ALDH16A1: variants seen among roughly 807,000 people sequenced by gnomAD.
ALDH16A1 encodes the protein aldehyde dehydrogenase family 16 member A1.
A neutral mutation model predicts 96.1 loss-of-function variants in ALDH16A1; 88 were observed. The observed-to-expected ratio is 0.92, with a 90% CI of 0.77 to 1.09. ALDH16A1 has a LOEUF of 1.09. Ranked by LOEUF, ALDH16A1 falls within the 50% of genes least tolerant of loss-of-function variation. The pLI, the probability that ALDH16A1 is intolerant of heterozygous loss-of-function variation, is 0.00. For synonymous variants in ALDH16A1, 522 were observed against 496.4 expected (o/e 1.05, Z -0.69); for missense variants, 1,250 against 1,112.6 (o/e 1.12, Z -1.76).
At chr19:49,460,714 A>ATTT (rs35639941) in intron 4 of ALDH16A1, 108 bp from the exon 5 acceptor site, 901 of 651,424 alleles carry the variant, frequency 1.4e-3, no homozygotes, top group South Asian at 2.0e-3. Flanking sequence ...ACACCCGGCC[A>ATTT]TTTTTTTTTT....
rs1466444382 is a variant in ALDH16A1, at chr19:49,460,404, GTTTTTGTTTTTGTTTT to G, written c.500-412_500-397del. 1.2e-3 allele frequency among the ~76,000 whole-genome samples: 172 copies of G among 145,086 alleles called. 1 individual carries two copies. The highest frequency in any genetic ancestry group is 4.5e-3 in the African/African-American group (163 of 36,336). ...GACCATGCACCACCACACCTGACTAGTTTTTGTTTTTGTTTTTTTTTTTTTTGAGATGGAGTTTCGC... is the reference window on the plus strand; with the variant it reads ...GACCATGCACCACCACACCTGACTAGTTTTTTTTTTGAGATGGAGTTTCGC... On this transcript the variant is annotated intron_variant, in intron 4 of 16. Transcript: ENST00000293350.
chr19:49,470,398 G>C lies in ALDH16A1; in HGVS notation c.2340G>C (p.Glu780Asp). 1 of 1,612,210 alleles carries C rather than the reference G, an allele frequency of 6.2e-7. No individual in the cohort carries two copies. Among genetic ancestry groups the C allele is most frequent in the Non-Finnish European group, 8.5e-7 (1 of 1,179,470 alleles). ...CGCGGGCCTGGGACCAGGAGGCCGA[G>C]GGGGCAGGCCCAGAGCTGGGGCTGC... is the stretch of plus-strand genomic sequence containing the variant. ...GCPRAWDQEA[E>D]GAGPELGLRV... Residue 780 changes from glutamate (E) to aspartate (D), a missense_variant, in exon 17 of 17, where the codon GAG becomes GAC. Physicochemically the swap from Glu to Asp is conservative, Grantham distance 45. Transcript: ENST00000293350.
chr19:49,464,032 C>A, intron 9 of ALDH16A1, 83 bp downstream of exon 9: 1 of 1,575,842 alleles, frequency 6.3e-7, no homozygotes, highest in South Asian at 1.2e-5. Flanking sequence ...CTTGGGGTAA[C>A]CATGTGACCT....
intron 1 of ALDH16A1, among the ~76,000 whole-genome samples, chr19:49,453,726 C>A (rs1387376522): frequency 6.6e-6 from 1 of 152,288 alleles, no homozygotes; most frequent in East Asian, 1.9e-4. Context: ...TCAGGGTCCC[C>A]TCAGAACCTG....
chr19:49,453,720 G>A (rs2079087519), intron 1 of ALDH16A1, among the ~76,000 whole-genome samples: 1 of 152,088 alleles, frequency 6.6e-6, no homozygotes, highest in African/African-American at 2.4e-5. Flanking sequence ...GATTCCTCAG[G>A]GTCCCCTCAG....
chr19:49,459,880 C>T lies in ALDH16A1; in HGVS notation c.499+32C>T, dbSNP rs956085010. ...CCCTGGAGTCCCTAGCCCTATCCTC[C>T]CACATGACTCAGCAGTGCTAGCTCC... On this transcript the variant is annotated intron_variant, in intron 4 of 16. Coordinates refer to ENST00000293350, the MANE Select transcript of ALDH16A1 (RefSeq NM_153329.4). The surrounding 1 kb of genome is among the most constrained non-coding windows in gnomAD (Gnocchi z 4.1). 1.3e-6 allele frequency: 2 copies of T among 1,594,308 alleles called. No homozygotes were observed. Among genetic ancestry groups the T allele is most frequent in the African/African-American group, 1.4e-5 (1 of 73,662 alleles).
Position 49,468,924 on chromosome 19 carries a change from C to G in ALDH16A1, c.2185C>G (p.Leu729Val). The change falls in exon 16 of 17, where the codon CTG becomes GTG. Residue 729 changes from leucine (L) to valine (V), a missense_variant. Leu to Val is a conservative substitution (Grantham distance 32). Coordinates refer to ENST00000293350, the MANE Select transcript of ALDH16A1 (RefSeq NM_153329.4). This position sits in a 1 kb window ranked among gnomAD's most constrained non-coding sequence, Gnocchi z 4.4. ...ANVVTGDRDH[L>V]TRCLALHQDV... ...CGTGGTGACAGGAGACCGGGACCAT[C>G]TGACCCGCTGCCTGGCCTTGCACCA... 1 of 1,614,102 alleles carries G rather than the reference C, an allele frequency of 6.2e-7. No individual in the cohort carries two copies. Among genetic ancestry groups the G allele is most frequent in the Non-Finnish European group, 8.5e-7 (1 of 1,180,006 alleles).
In ALDH16A1 at chr19:49,459,081, G is replaced by C; in HGVS notation, c.315G>C (p.Leu105=). 6.2e-7 allele frequency: 1 copy of C among 1,612,568 alleles called. No homozygotes were observed. The highest frequency in any genetic ancestry group is 8.5e-7 in the Non-Finnish European group (1 of 1,179,736). The change falls in exon 3 of 17, where the codon CTG becomes CTC. Residue 105 remains leucine, a synonymous_variant. Coordinates refer to ENST00000293350, the MANE Select transcript of ALDH16A1 (RefSeq NM_153329.4). This position sits in a 1 kb window ranked among gnomAD's most constrained non-coding sequence, Gnocchi z 4.1. ...AHPGVVRAQH[L]TRLAEVIQKH... ...CCGGCGTCGTCCGGGCCCAGCACCT[G>C]ACCAGGTGATGCAGCTGAGGTGTGG... is the stretch of plus-strand genomic sequence containing the variant.
Position 49,460,836 on chromosome 19 carries a change from A to C in ALDH16A1, c.514A>C (p.Ile172Leu), listed in dbSNP as rs894363241. The C allele has an allele frequency of 6.2e-7, 1 of 1,613,204 alleles. No individual in the cohort carries two copies. The highest frequency in any genetic ancestry group is 8.5e-7 in the Non-Finnish European group (1 of 1,179,880). The change falls in exon 5 of 17, where the codon ATC (isoleucine) becomes CTC (leucine). Residue 172 changes from isoleucine to leucine, a missense_variant. Physicochemically the swap from Ile to Leu is conservative, Grantham distance 5 (BLOSUM62 2). Transcript: ENST00000293350. ...TTTTCTTGCAGGAGTAATTGGCCTC[A>C]TCCTGCCACCCACATTCTCCTTCCT... is the stretch of plus-strand genomic sequence containing the variant. ...GWEPMGVIGL[I>L]LPPTFSFLEM...
At chr19:49,455,170 C>T (rs964309991) in intron 1 of ALDH16A1, among the ~76,000 whole-genome samples, 1 of 151,408 alleles carries the variant, frequency 6.6e-6, no homozygotes, top group African/African-American at 2.4e-5. Flanking sequence ...GTAATCCCAG[C>T]GCTTTGGGAG....
chr19:49,464,718 C>G lies in ALDH16A1; in HGVS notation c.1524C>G (p.Leu508=), dbSNP rs749754755. Residue 508 remains leucine, a synonymous_variant, in exon 12 of 17, where the codon CTC becomes CTG. Coordinates refer to ENST00000293350, the MANE Select transcript of ALDH16A1 (RefSeq NM_153329.4). ...ACCTGAACTATGACACCTTTGGCCT[C>G]GCTGTTCCCTCAACCCTGCCGGCTG... ...SKNLNYDTFG[L]AVPSTLPAGP... is the part of the protein sequence containing the mutation. 6.2e-7 allele frequency: 1 copy of G among 1,613,600 alleles called. No individual in the cohort carries two copies. The highest frequency in any genetic ancestry group is 1.7e-5 in the Admixed American group (1 of 60,022).
At position 49,459,665 on chromosome 19, in the gene ALDH16A1, G is replaced by C. The variant is rs766392085; in HGVS notation, c.321-5G>C. The C allele has an allele frequency of 6.2e-7, 1 of 1,602,290 alleles. No homozygotes were observed. The highest frequency in any genetic ancestry group is 1.1e-5 in the South Asian group (1 of 90,072). On this transcript the variant is annotated splice_polypyrimidine_tract_variant and splice_region_variant and intron_variant, in intron 3 of 16. Coordinates refer to ENST00000293350, the MANE Select transcript of ALDH16A1 (RefSeq NM_153329.4). The surrounding 1 kb of genome is among the most constrained non-coding windows in gnomAD (Gnocchi z 4.1). ...AAAATGAGCACCCTCTTGCTTTCTC[G>C]ACAGGCTGGCCGAGGTGATCCAGAA... is the stretch of plus-strand genomic sequence containing the variant.
Position 49,470,618 on chromosome 19 carries a change from A to T in ALDH16A1, c.*151A>T. ...GTGCTTCTGCGAGAAGAAAGGGTGT[A>T]GCAACTTCTGGCAGATATGAGGCTT... On this transcript the variant is annotated 3_prime_UTR_variant, in exon 17 of 17. Coordinates refer to ENST00000293350, the MANE Select transcript of ALDH16A1 (RefSeq NM_153329.4). 1.4e-6 allele frequency: 1 copy of T among 734,272 alleles called. No individual in the cohort carries two copies. Among genetic ancestry groups the T allele is most frequent in the Non-Finnish European group, 1.9e-6 (1 of 516,226 alleles). 45.5% of individuals were successfully genotyped at this position (734,272 alleles called of 1,614,324 possible).
chr19:49,464,907 T>G (rs1232461281), intron 12 of ALDH16A1, 145 bp downstream of exon 12: 7 of 1,297,626 alleles, frequency 5.4e-6, no homozygotes, highest in Non-Finnish European at 7.4e-6. Flanking sequence ...GCCTCACACT[T>G]TCCCTACCCC....
Position 49,470,565 on chromosome 19 carries a change from C to T in ALDH16A1, c.*98C>T. 2 of 1,344,684 alleles carry T rather than the reference C, an allele frequency of 1.5e-6. No individual in the cohort carries two copies. The highest frequency in any genetic ancestry group is 1.9e-6 in the Non-Finnish European group (2 of 1,027,248). 83.3% of individuals were successfully genotyped at this position (1,344,684 alleles called of 1,614,324 possible). A position where few individuals can be genotyped will look rare whatever the true frequency, so the allele number is the denominator to read the frequency against. On this transcript the variant is annotated 3_prime_UTR_variant, in exon 17 of 17. Transcript: ENST00000293350. Reference sequence around the variant, plus strand: ...TTTCCCCTTCTGGTTCCTGTGTCTCCCAATAAACTCTCTGACCAACCCTAG... The same window carrying T: ...TTTCCCCTTCTGGTTCCTGTGTCTCTCAATAAACTCTCTGACCAACCCTAG...
At position 49,462,690 on chromosome 19, in the gene ALDH16A1, C is replaced by G; in HGVS notation, c.1033C>G (p.Arg345Gly). 1 of 1,607,788 alleles carries G rather than the reference C, an allele frequency of 6.2e-7. No individual in the cohort carries two copies. Among genetic ancestry groups the G allele is most frequent in the Non-Finnish European group, 8.5e-7 (1 of 1,178,376 alleles). Residue 345 changes from arginine to glycine, a missense_variant, in exon 8 of 17, where the codon CGG (arginine) becomes GGG (glycine). Coordinates refer to ENST00000293350, the MANE Select transcript of ALDH16A1 (RefSeq NM_153329.4). ...GLDGAVDMGA[R>G]GAAACDLVQR... ...GGATGGGGCCGTGGACATGGGGGCC[C>G]GGGGGGCTGCCGCATGTGACCTGGT...
rs1245163286 is a variant in ALDH16A1, at chr19:49,461,820, C to T, written c.759+20C>T. ...CCGGAGGTACCTTCGGGACAGGGGT[C>T]GTGGCGGAACGCGGCTGGGGGCCGC... On this transcript the variant is annotated intron_variant, in intron 6 of 16. Coordinates refer to ENST00000293350, the MANE Select transcript of ALDH16A1 (RefSeq NM_153329.4). 4.4e-6 allele frequency: 7 copies of T among 1,606,216 alleles called. No individual in the cohort carries two copies. The highest frequency in any genetic ancestry group is 1.7e-5 in the Admixed American group (1 of 58,818).
In ALDH16A1 at chr19:49,466,216, T is replaced by C. The variant is rs1331533946; in HGVS notation, c.1871T>C (p.Val624Ala). The part of the protein sequence containing the change: ...GAELKAAEAE[V>A]ELSARRLRAW... ...GAGCTCAAGGCTGCGGAGGCGGAGG[T>C]GGAGCTGAGCGCAAGACGACTTCGG... The change falls in exon 14 of 17, where the codon GTG (valine) becomes GCG (alanine). Residue 624 changes from valine (V) to alanine (A), a missense_variant. Physicochemically the swap from Val to Ala is moderately conservative, Grantham distance 64. Transcript: ENST00000293350. 6.6e-7 allele frequency: 1 copy of C among 1,522,680 alleles called. No individual in the cohort carries two copies. Among genetic ancestry groups the C allele is most frequent in the Non-Finnish European group, 8.8e-7 (1 of 1,136,338 alleles). The allele number at this position is 1,522,680 out of a possible 1,614,324, so 94.3% of individuals were successfully genotyped here. A position where few individuals can be genotyped will look rare whatever the true frequency, so the allele number is the denominator to read the frequency against.
chr19:49,463,733 A>C (rs1601033195), intron 8 of ALDH16A1, 121 bp from the exon 9 acceptor site: 1 of 663,700 alleles, frequency 1.5e-6, no homozygotes, highest in African/African-American at 3.2e-5. Context: ...CCTGGGTCTG[A>C]GGGAGGAGGG....
Sources: allele counts gnomAD v4.1 joint callset (sites outside exome capture counted in the v4.1 genomes callset), GRCh38; gene constraint gnomAD v4.1.1; non-coding constraint Gnocchi (gnomAD v3.1); transcripts MANE v1.5; gene names NCBI Gene and HGNC (gene_info 2026-07-23, HGNC 2026-07-21).